Variants in IQCE observed in about 807,000 individuals in gnomAD.
The protein encoded by IQCE is IQ motif containing E.
IQCE carries 115 observed loss-of-function variants against 96.0 expected under a neutral mutation model. The ratio of observed to expected loss-of-function variants is 1.20; its 90% CI spans 1.03 to 1.40. The LOEUF (loss-of-function observed/expected upper bound fraction) is 1.40. Among genes scored for constraint, IQCE ranks in the 40% most tolerant of loss-of-function variants. The pLI is 0.00. For missense variants in IQCE, 1,041 were observed against 909.1 expected, an observed-to-expected ratio of 1.15 and a Z score of -1.87; for synonymous variants, 412 against 371.2, an observed-to-expected ratio of 1.11 and a Z score of -1.26.
intron 6 of IQCE, among the ~76,000 whole-genome samples, chr7:2,574,634 A>G (rs778179825): frequency 6.6e-6 from 1 of 151,956 alleles, no homozygotes; most frequent in Non-Finnish European, 1.5e-5. Flanking sequence ...CTCGTTTGGG[A>G]TTTTCTCAGT....
At position 2,559,195 on chromosome 7, in the gene IQCE, C is replaced by T. The variant is rs1444630093; in HGVS notation, c.14C>T (p.Thr5Ile). The change falls in exon 1 of 22, where the codon ACC (threonine) becomes ATC (isoleucine). Residue 5 changes from threonine (T) to isoleucine (I), a missense_variant. By Grantham distance (89) the Thr-to-Ile change is moderately conservative. Transcript: ENST00000402050. MFLG[T>I]GEPALDTGDD... ...AGCGCCGCCACCATGTTCCTGGGCA[C>T]CGGGGAGCCGGCCTTGGACACGGTA... The T allele has an allele frequency of 2.5e-6, 3 of 1,216,758 alleles. No individual in the cohort carries two copies. The highest frequency in any genetic ancestry group is 3.1e-4 in the Middle Eastern group (1 of 3,194). The allele number at this position is 1,216,758 out of a possible 1,614,324, so 75.4% of individuals were successfully genotyped here. A position where few individuals can be genotyped will look rare whatever the true frequency, so the allele number is the denominator to read the frequency against.
At chr7:2,579,489 A>T (rs1782483799) in intron 8 of IQCE, among the ~76,000 whole-genome samples, 1 of 152,184 alleles carries the variant, frequency 6.6e-6, no homozygotes, top group Admixed American at 6.5e-5. Flanking sequence ...AATACAAAAA[A>T]AACTATAAAT....
rs542143071 is a variant in IQCE, at chr7:2,572,202, C to A, written c.270C>A (p.Thr90=). Residue 90 remains threonine, a synonymous_variant, in exon 5 of 22, where the codon ACC becomes ACA. Coordinates refer to ENST00000402050, the MANE Select transcript of IQCE (RefSeq NM_152558.5). ...GCACATTCAAACCAGGAAGTCTGAC[C>A]CAGGCCCTGAACTCACCCCTCACCT... The part of the protein sequence containing the change: ...WLGTAKPGSL[T]QALNSPLTWE... The A allele has an allele frequency of 1.1e-4, 182 of 1,613,598 alleles. 1 individual carries two copies. The South Asian group carries it at 1.9e-3, about 17-fold the overall frequency.
At chr7:2,603,361 G>C (rs1030604194) in intron 18 of IQCE, among the ~76,000 whole-genome samples, 2 of 152,222 alleles carry the variant, frequency 1.3e-5, no homozygotes. Flanking sequence ...GCCTAGACTG[G>C]CGCCTGGCAT....
At chr7:2,576,274 C>T (rs1248523614) in intron 6 of IQCE, among the ~76,000 whole-genome samples, 2 of 152,166 alleles carry the variant, frequency 1.3e-5, no homozygotes, top group Non-Finnish European at 2.9e-5. Flanking sequence ...AGCTGGTGAG[C>T]TGCGGCACAG....
At chr7:2,582,485 CAGTG>C in intron 8 of IQCE, 91 bp from the exon 9 acceptor site, 1 of 973,090 alleles carries the variant, frequency 1.0e-6, no homozygotes, top group Non-Finnish European at 1.6e-6. Context: ...GGAGGAAGGA[CAGTG>C]AGGTGTGCCG....
chr7:2,602,044 TGG>T (rs1214050713), intron 18 of IQCE: 1 of 157,466 alleles, frequency 6.4e-6, no homozygotes. Flanking sequence ...TCAGAGGCCC[TGG>T]GACGCAAAGG....
At chr7:2,561,653 C>G (rs1214872246) in intron 1 of IQCE, among the ~76,000 whole-genome samples, 1 of 151,500 alleles carries the variant, frequency 6.6e-6, no homozygotes, top group Non-Finnish European at 1.5e-5. Context: ...GATCTCCTGA[C>G]CTCGTGATGC....
Position 2,587,845 on chromosome 7 carries a change from C to T in IQCE, c.1012C>T (p.Arg338Trp), listed in dbSNP as rs747230965. 1.3e-5 allele frequency: 21 copies of T among 1,613,892 alleles called. No homozygotes were observed. Among genetic ancestry groups the T allele is most frequent in the South Asian group, 1.2e-4 (11 of 91,076 alleles). The change falls in exon 13 of 22, where the codon CGG becomes TGG. Residue 338 changes from arginine to tryptophan, a missense_variant. Coordinates refer to ENST00000402050, the MANE Select transcript of IQCE (RefSeq NM_152558.5). ...TQGYVEWSKP[R>W]LLRRIVELEK... ...AGGTTATGTGGAGTGGAGCAAGCCC[C>T]GGCTGCTGAGGCGCATTGTGGAGCT...
intron 1 of IQCE, among the ~76,000 whole-genome samples, chr7:2,562,308 C>T (rs987086699): frequency 2.5e-4 from 30 of 121,906 alleles, no homozygotes; most frequent in African/African-American, 9.1e-4. Context: ...ATATAAAATC[C>T]TTTTCATGCC....
At chr7:2,572,414 G>T (rs1781823214) in intron 5 of IQCE, 88 bp downstream of exon 5, 3 of 1,415,136 alleles carry the variant, frequency 2.1e-6, no homozygotes, top group Non-Finnish European at 2.8e-6. Context: ...CTTCGTCAGA[G>T]CAGGATTTCT....
intron 8 of IQCE, among the ~76,000 whole-genome samples, chr7:2,579,200 C>G (rs1782458141): frequency 6.6e-6 from 1 of 152,032 alleles, no homozygotes; most frequent in Admixed American, 6.5e-5. Flanking sequence ...GGTGGTAATG[C>G]TGTGGCGATC....
chr7:2,573,456 G>A lies in IQCE; in HGVS notation c.433G>A (p.Asp145Asn), dbSNP rs1170434831. 3.9e-6 allele frequency: 6 copies of A among 1,547,178 alleles called. No homozygotes were observed. In the South Asian group the frequency reaches 5.6e-5, roughly 14 times the overall value. The change falls in exon 6 of 22, where the codon GAT (aspartate) becomes AAT (asparagine). Residue 145 changes from aspartate to asparagine, a missense_variant. Physicochemically the swap from Asp to Asn is conservative, Grantham distance 23. Transcript: ENST00000402050. ...PGTPVYREKE[D>N]MYDEIIELKK... ...GACTCCTGTCTACAGAGAAAAAGAAGATATGTATGACGAGATTATTGAGTT... is the reference window on the plus strand; with the variant it reads ...GACTCCTGTCTACAGAGAAAAAGAAAATATGTATGACGAGATTATTGAGTT...
intron 17 of IQCE, 114 bp downstream of exon 17, chr7:2,598,746 C>CT: frequency 1.1e-6 from 1 of 907,548 alleles, no homozygotes; most frequent in South Asian, 2.6e-5. Context: ...CCCCAGGTGT[C>CT]TGAGCACCGT....
chr7:2,595,180 TC>T (rs1199372507), intron 16 of IQCE, among the ~76,000 whole-genome samples: 2 of 152,224 alleles, frequency 1.3e-5, no homozygotes, highest in African/African-American at 4.8e-5. Context: ...CAAATTGACT[TC>T]TCGAACTGAT....
At chr7:2,608,891 C>G (rs1583528955) in intron 21 of IQCE, among the ~76,000 whole-genome samples, 1 of 152,214 alleles carries the variant, frequency 6.6e-6, no homozygotes, top group African/African-American at 2.4e-5. Context: ...TTTTTAATTT[C>G]ATAAGGTTCC....
intron 6 of IQCE, 69 bp from the exon 7 acceptor site, chr7:2,578,173 G>T (rs542793710): frequency 8.3e-7 from 1 of 1,203,552 alleles, no homozygotes. Flanking sequence ...GGCTGTGTGC[G>T]CGGGGACGTG....
At chr7:2,602,924 G>A (rs952506725) in intron 18 of IQCE, among the ~76,000 whole-genome samples, 9 of 152,210 alleles carry the variant, frequency 5.9e-5, no homozygotes, top group Non-Finnish European at 1.2e-4. Context: ...CGCCCTCCAC[G>A]AGCAGACAGC....
chr7:2,559,778 G>C (rs1052495969), intron 1 of IQCE, among the ~76,000 whole-genome samples: 8 of 124,172 alleles, frequency 6.4e-5, no homozygotes, highest in African/African-American at 5.7e-5. Flanking sequence ...GGGGGGGGGG[G>C]GGGGCGGAGG....
Sources: allele counts gnomAD v4.1 joint callset (sites outside exome capture counted in the v4.1 genomes callset), GRCh38; gene constraint gnomAD v4.1.1; transcripts MANE v1.5; gene names NCBI Gene and HGNC (gene_info 2026-07-23, HGNC 2026-07-21).